The following SLC16A2 variants were observed in gnomAD, a reference collection of about 807,000 sequenced individuals.
SLC16A2 encodes monocarboxylate transporter 8.
SLC16A2 carries 3 observed loss-of-function variants against 27.2 expected under a neutral mutation model. That is an observed-to-expected ratio of 0.11 (90% CI 0.05 to 0.28). SLC16A2 has a LOEUF of 0.28. Among genes scored for constraint, SLC16A2 ranks in the 10% least tolerant of loss-of-function variants. SLC16A2 has a pLI of 1.00. For missense variants in SLC16A2, 295 were observed against 458.5 expected, an observed-to-expected ratio of 0.64 and a Z score of 3.26; for synonymous variants, 202 against 187.8, an observed-to-expected ratio of 1.08 and a Z score of -0.62.
intron 1 of SLC16A2, among the ~76,000 whole-genome samples, chrX:74,427,836 C>T (rs1308306193): frequency 9.1e-6 from 1 of 110,099 alleles, no homozygotes; most frequent in Admixed American, 9.5e-5. Context: ...CACACACACA[C>T]ACACACCCAT....
intron 1 of SLC16A2, among the ~76,000 whole-genome samples, chrX:74,489,577 AATATT>A (rs1929785444): frequency 8.9e-6 from 1 of 112,115 alleles, no homozygotes; most frequent in Non-Finnish European, 1.9e-5. Context: ...TTTTTGATAA[AATATT>A]TTATTTAAGC....
At chrX:74,468,083 T>G (rs1466362337) in intron 1 of SLC16A2, among the ~76,000 whole-genome samples, 1 of 111,963 alleles carries the variant, frequency 8.9e-6, no homozygotes, top group Non-Finnish European at 1.9e-5. Flanking sequence ...TGTTAAACTT[T>G]TAAAAAAATA....
intron 2 of SLC16A2, among the ~76,000 whole-genome samples, chrX:74,522,509 A>C (rs1461917977): frequency 2.7e-5 from 3 of 111,794 alleles, no homozygotes; most frequent in Non-Finnish European, 5.6e-5. Flanking sequence ...CACCCCCAGC[A>C]AGCTGGTGCC....
At chrX:74,432,874 T>C (rs1204989602) in intron 1 of SLC16A2, among the ~76,000 whole-genome samples, 1 of 111,743 alleles carries the variant, frequency 8.9e-6, no homozygotes, top group African/African-American at 3.3e-5. Context: ...TGAAAAGAGA[T>C]GGAGACAAAA....
At position 74,472,005 on chromosome X, in the gene SLC16A2, A is replaced by G. The variant is rs140877850; in HGVS notation, c.431-48985A>G. Among the ~76,000 whole-genome samples the G allele has an allele frequency of 9.8e-5, 11 of 112,231 alleles. No homozygotes were observed. In the East Asian group the frequency reaches 3.1e-3, roughly 31 times the overall value. Reference sequence around the variant, plus strand: ...TTTCCTTCCTTTTTAAGGGTGAATAATATTTCATTGTATATACACACATAC... The same window carrying G: ...TTTCCTTCCTTTTTAAGGGTGAATAGTATTTCATTGTATATACACACATAC... On this transcript the variant is annotated intron_variant, in intron 1 of 5. Transcript: ENST00000587091.
chrX:74,448,302 ATTT>A (rs144467927), intron 1 of SLC16A2, among the ~76,000 whole-genome samples: 10,059 of 64,258 alleles, frequency 0.16, 607 homozygotes, highest in South Asian at 0.23. Context: ...AATCCTTTGG[ATTT>A]TTTTTTTTTT....
Position 74,451,850 on chromosome X carries a change from T to C in SLC16A2, c.430+29783T>C, listed in dbSNP as rs1487265370. ...CACTGATCAGATGCTTTTGGCATAC[T>C]TGAACCTTCCTGGTGTTATAAATAG... On this transcript the variant is annotated intron_variant, in intron 1 of 5. Transcript: ENST00000587091. 2.7e-5 allele frequency among the ~76,000 whole-genome samples: 3 copies of C among 113,105 alleles called. No individual in the cohort carries two copies. The Admixed American group carries it at 2.8e-4, about 11-fold the overall frequency.
rs1053104432 is a variant in SLC16A2 at position 74,517,587 on chromosome X, C to CT, written c.431-3400dup. ...TTCTGCTTTCCCGCCTTCTCCCCAC[C>CT]TTTAAAAATAACATCAGATTTATTG... is the stretch of plus-strand genomic sequence containing the variant. On this transcript the variant is annotated intron_variant, in intron 1 of 5. Transcript: ENST00000587091. Among the ~76,000 whole-genome samples the CT allele has an allele frequency of 4.5e-5, 5 of 111,771 alleles. No homozygotes were observed. The Admixed American group carries it at 4.8e-4, about 11-fold the overall frequency.
intron 1 of SLC16A2, among the ~76,000 whole-genome samples, chrX:74,494,465 A>C (rs1003817395): frequency 6.3e-5 from 7 of 111,723 alleles, no homozygotes; most frequent in African/African-American, 2.3e-4. Context: ...TAACACCTAA[A>C]GTAATTAGTA....
intron 1 of SLC16A2, among the ~76,000 whole-genome samples, chrX:74,470,855 G>A (rs944392389): frequency 1.4e-4 from 16 of 110,664 alleles, no homozygotes; most frequent in African/African-American, 1.3e-4. Context: ...GGAGAATGGC[G>A]TGAACCCAGG....
At chrX:74,475,639 T>C (rs1372770935) in intron 1 of SLC16A2, among the ~76,000 whole-genome samples, 1 of 112,135 alleles carries the variant, frequency 8.9e-6, no homozygotes, top group African/African-American at 3.2e-5. Context: ...CTTTAATCCA[T>C]CTTGAATTAA....
At chrX:74,514,655 G>T (rs1383837245) in intron 1 of SLC16A2, among the ~76,000 whole-genome samples, 1 of 111,785 alleles carries the variant, frequency 8.9e-6, no homozygotes, top group African/African-American at 3.3e-5. Flanking sequence ...AGGTGCCAAG[G>T]TGGTGTCAGT....
At chrX:74,511,999 C>G (rs1026331845) in intron 1 of SLC16A2, among the ~76,000 whole-genome samples, 2 of 111,666 alleles carry the variant, frequency 1.8e-5, no homozygotes, top group African/African-American at 6.5e-5. Flanking sequence ...CTGGAGCTCC[C>G]CAGCTGACCC....
rs754777655 is a variant in SLC16A2 at position 74,478,915 on chromosome X, C to T, written c.431-42075C>T. 2.7e-5 allele frequency among the ~76,000 whole-genome samples: 3 copies of T among 111,528 alleles called. No homozygotes were observed. The South Asian group carries it at 1.1e-3, about 42-fold the overall frequency. ...GACCTTTCTCTCTGGCTGCCCTTAA[C>T]ATTTTTTCCTTCATTTCAACTTTGG... On this transcript the variant is annotated intron_variant, in intron 1 of 5. Coordinates refer to ENST00000587091, the MANE Select transcript of SLC16A2 (RefSeq NM_006517.5).
chrX:74,442,338 G>C (rs759238899), intron 1 of SLC16A2, among the ~76,000 whole-genome samples: 2 of 110,957 alleles, frequency 1.8e-5, no homozygotes, highest in South Asian at 7.7e-4. Flanking sequence ...TGCAAGTTAG[G>C]GTAGCCCATT....
At chrX:74,496,123 A>T (rs1424956928) in intron 1 of SLC16A2, among the ~76,000 whole-genome samples, 1 of 111,356 alleles carries the variant, frequency 9.0e-6, no homozygotes, top group African/African-American at 3.3e-5. Flanking sequence ...CTCAGAAGGG[A>T]TCTTTCCTGG....
chrX:74,469,884 A>G (rs1288703124), intron 1 of SLC16A2, among the ~76,000 whole-genome samples: 2 of 111,864 alleles, frequency 1.8e-5, no homozygotes, highest in African/African-American at 3.2e-5. Flanking sequence ...TGTACATTCT[A>G]TAAGTTTTGT....
chrX:74,448,417 C>T (rs758998066), intron 1 of SLC16A2, among the ~76,000 whole-genome samples: 31 of 105,843 alleles, frequency 2.9e-4, no homozygotes, highest in Non-Finnish European at 5.6e-4. Context: ...CCTTGCTTCT[C>T]ATCATCTCCT....
intron 1 of SLC16A2, among the ~76,000 whole-genome samples, chrX:74,464,356 C>T (rs750218296): frequency 1.8e-5 from 2 of 112,013 alleles, no homozygotes; most frequent in Non-Finnish European, 3.8e-5. Context: ...TCTTTGTACT[C>T]AAGCTATTTT....
Sources: gnomAD v4.1 joint callset for allele counts (sites outside exome capture counted in the v4.1 genomes callset) on GRCh38, gnomAD v4.1.1 for gene constraint, MANE v1.5 for transcripts, NCBI Gene and HGNC (gene_info 2026-07-23, HGNC 2026-07-21) for gene names.